Variants in CYTIP observed in about 807,000 individuals in gnomAD.
The protein encoded by CYTIP is cytohesin 1 interacting protein, also known as cytohesin-interacting protein.
CYTIP carries 26 observed loss-of-function variants against 43.8 expected under a neutral mutation model. That is an observed-to-expected ratio of 0.59 (90% CI 0.44 to 0.82). The LOEUF (loss-of-function observed/expected upper bound fraction) is 0.82, where lower values mean the gene tolerates loss of function less well. CYTIP is among the 40% of genes least tolerant of loss of function. The pLI is 0.00. For synonymous variants in CYTIP, 162 were observed against 162.9 expected, an observed-to-expected ratio of 0.99 and a Z score of 0.04; for missense variants, 426 against 443.1, an observed-to-expected ratio of 0.96 and a Z score of 0.35.
intron 5 of CYTIP, among the ~76,000 whole-genome samples, chr2:157,429,484 T>C (rs559785052): frequency 6.6e-6 from 1 of 152,356 alleles, no homozygotes; most frequent in Middle Eastern, 3.4e-3. Context: ...AATATACACA[T>C]TACTTAAATT....
intron 1 of CYTIP, among the ~76,000 whole-genome samples, chr2:157,436,600 C>T (rs1301344628): frequency 2.0e-5 from 3 of 151,532 alleles, no homozygotes; most frequent in East Asian, 1.9e-4. Flanking sequence ...TATATGTATA[C>T]ATATATGTAT....
intron 6 of CYTIP, among the ~76,000 whole-genome samples, chr2:157,426,651 T>C (rs1685612400): frequency 6.6e-6 from 1 of 152,034 alleles, no homozygotes; most frequent in South Asian, 2.1e-4. Context: ...AAGGGGGAGA[T>C]TGGGATGCAG....
At position 157,415,942 on chromosome 2, in the gene CYTIP, C is replaced by T. The variant is rs754955229; in HGVS notation, c.815G>A (p.Gly272Asp). ...TGTACTCGTCTGCCGACTGAAGGCA[C>T]CCCTGCTGGAGTCCTCAGACACACA... ...QTCVSEDSSR[G>D]AFSRQTSTDD... The change falls in exon 8 of 8, where the codon GGT becomes GAT. Residue 272 changes from glycine (G) to aspartate (D), a missense_variant. Coordinates refer to ENST00000264192, the MANE Select transcript of CYTIP (RefSeq NM_004288.5). 5 of 1,614,212 alleles carry T rather than the reference C, an allele frequency of 3.1e-6. No individual in the cohort carries two copies. The highest frequency in any genetic ancestry group is 1.1e-5 in the South Asian group (1 of 91,086).
At chr2:157,423,356 C>T (rs947032223) in intron 6 of CYTIP, among the ~76,000 whole-genome samples, 1 of 151,686 alleles carries the variant, frequency 6.6e-6, no homozygotes, top group African/African-American at 2.4e-5. Context: ...AATGGGGGCA[C>T]ACTCAATTTT....
At chr2:157,418,408 T>C (rs1233308388) in intron 7 of CYTIP, 115 bp downstream of exon 7, 2 of 987,838 alleles carry the variant, frequency 2.0e-6, no homozygotes, top group Admixed American at 2.7e-5. Flanking sequence ...CCCATTTCCT[T>C]GACCAGCACT....
At chr2:157,417,589 C>T (rs968114206) in intron 7 of CYTIP, among the ~76,000 whole-genome samples, 7 of 151,944 alleles carry the variant, frequency 4.6e-5, no homozygotes, top group Non-Finnish European at 8.8e-5. Flanking sequence ...TTCTGCCTCT[C>T]TAACAAACTT....
intron 1 of CYTIP, 127 bp downstream of exon 1, chr2:157,443,720 C>G (rs1192514595): frequency 9.8e-7 from 1 of 1,023,570 alleles, no homozygotes; most frequent in African/African-American, 1.6e-5. Flanking sequence ...ACCTCCTTCA[C>G]CCATAATAAT....
chr2:157,420,025 G>A (rs2105132889), intron 6 of CYTIP, among the ~76,000 whole-genome samples: 1 of 152,302 alleles, frequency 6.6e-6, no homozygotes, highest in South Asian at 2.1e-4. Context: ...CCATAATATA[G>A]TCTAGACTAG....
At position 157,443,963 on chromosome 2, in the gene CYTIP, C is replaced by A. The variant is rs200094703; in HGVS notation, c.58G>T (p.Ala20Ser). The A allele has an allele frequency of 5.0e-6, 8 of 1,614,004 alleles. No individual in the cohort carries two copies. Among genetic ancestry groups the A allele is most frequent in the Non-Finnish European group, 6.8e-6 (8 of 1,180,000 alleles). Residue 20 changes from alanine to serine, a missense_variant, in exon 1 of 8, where the codon GCT (alanine) becomes TCT (serine). Physicochemically the swap from Ala to Ser is moderately conservative, Grantham distance 99 (BLOSUM62 1). Coordinates refer to ENST00000264192, the MANE Select transcript of CYTIP (RefSeq NM_004288.5). The stretch of plus-strand genomic sequence containing the variant: ...GAGTAAGAGCTATACGCTGGCCCAG[C>A]GCAGAAGTCCGCCAAATTGCCATTG... ...SSNGNLADFCAGPAYSSYSTL... is the reference protein window; with the variant it reads ...SSNGNLADFCSGPAYSSYSTL...
In CYTIP at chr2:157,415,096, A is replaced by G. The variant is rs545214376; in HGVS notation, c.*581T>C. 1.3e-5 allele frequency: 2 copies of G among 152,894 alleles called. No homozygotes were observed. The highest frequency in any genetic ancestry group is 2.0e-4 in the South Asian group (1 of 4,902). 9.5% of individuals were successfully genotyped at this position (152,894 alleles called of 1,614,324 possible). A position where few individuals can be genotyped will look rare whatever the true frequency, so the allele number is the denominator to read the frequency against. Reference sequence around the variant, plus strand: ...CAGACCACATCTTTCCATGGTTCTCATGAACCTTAACCCCTCCTATTAAAT... The same window carrying G: ...CAGACCACATCTTTCCATGGTTCTCGTGAACCTTAACCCCTCCTATTAAAT... On this transcript the variant is annotated 3_prime_UTR_variant, in exon 8 of 8. Transcript: ENST00000264192.
chr2:157,427,437 A>C lies in CYTIP; in HGVS notation c.477-17T>G. ...GTCTCTATCCTGTTTTAAGGAAAAA[A>C]AAAAGAAGAGGAAGGTGGGGAGTGA... On this transcript the variant is annotated splice_polypyrimidine_tract_variant and intron_variant, in intron 5 of 7. Coordinates refer to ENST00000264192, the MANE Select transcript of CYTIP (RefSeq NM_004288.5). 1 of 1,575,682 alleles carries C rather than the reference A, an allele frequency of 6.3e-7. No individual in the cohort carries two copies. The highest frequency in any genetic ancestry group is 8.6e-7 in the Non-Finnish European group (1 of 1,163,522).
At chr2:157,420,738 T>C (rs1036149164) in intron 6 of CYTIP, among the ~76,000 whole-genome samples, 17 of 148,004 alleles carry the variant, frequency 1.1e-4, no homozygotes, top group Non-Finnish European at 7.4e-5. Flanking sequence ...TATATGAAGG[T>C]CAAAATTAGG....
In CYTIP at chr2:157,434,768, A is replaced by T. The variant is rs752480411; in HGVS notation, c.175-21T>A. On this transcript the variant is annotated intron_variant, in intron 1 of 7. Transcript: ENST00000264192. Reference sequence around the variant, plus strand: ...GCAAGCTGAAAAACACAAAAGACATATAGTTATCCCAGGGTCTTCAAGATA... The same window carrying T: ...GCAAGCTGAAAAACACAAAAGACATTTAGTTATCCCAGGGTCTTCAAGATA... 3.1e-6 allele frequency: 5 copies of T among 1,604,434 alleles called. No homozygotes were observed. The East Asian group carries it at 1.1e-4, about 36-fold the overall frequency.
At chr2:157,427,891 C>T (rs1430773138) in intron 5 of CYTIP, among the ~76,000 whole-genome samples, 1 of 152,184 alleles carries the variant, frequency 6.6e-6, no homozygotes, top group East Asian at 1.9e-4. Flanking sequence ...AATTAACATG[C>T]TACTTCTTGA....
intron 1 of CYTIP, among the ~76,000 whole-genome samples, chr2:157,442,395 G>A (rs74610938): frequency 0.032 from 4,840 of 151,320 alleles, 119 homozygotes; most frequent in Admixed American, 0.079. Context: ...TAGATCAAAT[G>A]AGTAAGGTTG....
chr2:157,415,373 T>A lies in CYTIP; in HGVS notation c.*304A>T. 1 of 245,690 alleles carries A rather than the reference T, an allele frequency of 4.1e-6. No homozygotes were observed. The highest frequency in any genetic ancestry group is 8.0e-6 in the Non-Finnish European group (1 of 124,622). 15.2% of individuals were successfully genotyped at this position (245,690 alleles called of 1,614,324 possible). On this transcript the variant is annotated 3_prime_UTR_variant, in exon 8 of 8. Transcript: ENST00000264192. ...AAAAGTTCTCAATTATTCACAGGGA[T>A]AATCTAGAAAATAAATATTAGTTTT... is the stretch of plus-strand genomic sequence containing the variant.
Position 157,434,698 on chromosome 2 carries a change from C to T in CYTIP, c.224G>A (p.Arg75Lys). ...ACAAAAAATAATTCAATCTCTTTAC[C>T]TTTGAGACCAGGAAAAGTCACTTAA... ...SSLSDFSWSQ[R>K]KLVTVEKQDN... The change falls in exon 2 of 8, where the codon AGA becomes AAA. Residue 75 changes from arginine (R) to lysine (K), a missense_variant and splice_region_variant. By Grantham distance (26) the Arg-to-Lys change is conservative (BLOSUM62 2). Transcript: ENST00000264192. 1 of 1,608,636 alleles carries T rather than the reference C, an allele frequency of 6.2e-7. No homozygotes were observed. The highest frequency in any genetic ancestry group is 1.7e-4 in the Middle Eastern group (1 of 5,882).
chr2:157,416,412 T>C (rs1685441085), intron 7 of CYTIP, among the ~76,000 whole-genome samples: 1 of 152,214 alleles, frequency 6.6e-6, no homozygotes, highest in Non-Finnish European at 1.5e-5. Context: ...ATGTTTCATA[T>C]GAGAACAGTT....
At chr2:157,434,163 G>A (rs972031729) in intron 3 of CYTIP, 8 of 601,788 alleles carry the variant, frequency 1.3e-5, no homozygotes, top group East Asian at 2.8e-5. Context: ...TGAGCATATC[G>A]CAGAGGTTTT....
Sources: gnomAD v4.1 joint callset for allele counts (sites outside exome capture counted in the v4.1 genomes callset) on GRCh38, gnomAD v4.1.1 for gene constraint, MANE v1.5 for transcripts, NCBI Gene and HGNC (gene_info 2026-07-23, HGNC 2026-07-21) for gene names.